Variants in MYRIP observed in about 807,000 individuals in gnomAD.
MYRIP encodes the protein myosin VIIA and Rab interacting protein.
In MYRIP, 49 loss-of-function variants were observed where a neutral mutation model predicts 98.0. The ratio of observed to expected loss-of-function variants is 0.50; its 90% confidence interval spans 0.40 to 0.63. The LOEUF (loss-of-function observed/expected upper bound fraction) is 0.63, where lower values mean the gene tolerates loss of function less well. Ranked by LOEUF, MYRIP falls within the 30% of genes least tolerant of loss-of-function variation. The pLI is 0.00. For missense variants in MYRIP, 1,004 were observed against 1,058.2 expected, an observed-to-expected ratio of 0.95 and a Z score of 0.71; for synonymous variants, 404 against 409.5, an observed-to-expected ratio of 0.99 and a Z score of 0.16.
intron 1 of MYRIP, among the ~76,000 whole-genome samples, chr3:39,877,927 G>T (rs1229149333): frequency 6.6e-6 from 1 of 152,178 alleles, no homozygotes; most frequent in Non-Finnish European, 1.5e-5. Context: ...CTTTTTGTTT[G>T]TCTGTGCCCT....
intron 2 of MYRIP, 149 bp downstream of exon 2, chr3:39,901,075 C>A: frequency 1.7e-6 from 1 of 604,376 alleles, no homozygotes; most frequent in South Asian, 2.1e-5. Flanking sequence ...GAAAGGTTTG[C>A]CAGTTTCAGA....
intron 11 of MYRIP, among the ~76,000 whole-genome samples, chr3:40,225,090 G>A (rs924046980): frequency 1.3e-5 from 2 of 152,190 alleles, no homozygotes; most frequent in African/African-American, 2.4e-5. Context: ...AAGGCATTTG[G>A]ACAAACTTTC....
intron 2 of MYRIP, among the ~76,000 whole-genome samples, chr3:39,933,660 T>C (rs763912096): frequency 6.2e-4 from 94 of 152,230 alleles, no homozygotes; most frequent in Non-Finnish European, 1.2e-3. Context: ...TCAAGAAATA[T>C]ATTCAAGGTT....
chr3:39,868,928 G>C (rs1942703436), intron 1 of MYRIP, among the ~76,000 whole-genome samples: 1 of 152,164 alleles, frequency 6.6e-6, no homozygotes, highest in Admixed American at 6.5e-5. Context: ...CTTTATTGAG[G>C]ATCACTTGTA....
At chr3:39,952,070 G>GC (rs1945031419) in intron 2 of MYRIP, among the ~76,000 whole-genome samples, 1 of 151,950 alleles carries the variant, frequency 6.6e-6, no homozygotes. Flanking sequence ...TCCCACCCTG[G>GC]CCCCAAGTAT....
chr3:40,001,790 A>G (rs1946524801), intron 2 of MYRIP, among the ~76,000 whole-genome samples: 1 of 152,214 alleles, frequency 6.6e-6, no homozygotes, highest in Non-Finnish European at 1.5e-5. Context: ...GCTGATTGCA[A>G]TAAGAGATGA....
rs186451284 is a variant in MYRIP at position 39,815,914 on chromosome 3, G to C, written c.-31+5998G>C. Among the ~76,000 whole-genome samples the C allele has an allele frequency of 6.0e-3, 847 of 140,134 alleles. 8 individuals carry two copies. Among genetic ancestry groups the C allele is most frequent in the Non-Finnish European group, 5.9e-3 (378 of 64,082 alleles). The allele number at this position is 140,134 out of a possible 152,430, so 91.9% of individuals were successfully genotyped here. Reference sequence around the variant, plus strand: ...TTTTTTTTTTTTCAATTATGCTTATGTTAAATTTTTATCATATTCTTTTTT... The same window carrying C: ...TTTTTTTTTTTTCAATTATGCTTATCTTAAATTTTTATCATATTCTTTTTT... On this transcript the variant is annotated intron_variant, in intron 1 of 16. Coordinates refer to ENST00000302541, the MANE Select transcript of MYRIP (RefSeq NM_015460.4).
At chr3:39,876,825 G>C (rs1943010901) in intron 1 of MYRIP, among the ~76,000 whole-genome samples, 1 of 151,980 alleles carries the variant, frequency 6.6e-6, no homozygotes, top group Non-Finnish European at 1.5e-5. Context: ...GTGTCTTGGA[G>C]TTGCTCTTCT....
chr3:39,899,447 A>T (rs1483157684), intron 1 of MYRIP, among the ~76,000 whole-genome samples: 1 of 151,894 alleles, frequency 6.6e-6, no homozygotes, highest in East Asian at 1.9e-4. Flanking sequence ...TTTGAATGTG[A>T]CTATTGTTAC....
chr3:39,849,011 T>G (rs1402805646), intron 1 of MYRIP, among the ~76,000 whole-genome samples: 1 of 152,264 alleles, frequency 6.6e-6, no homozygotes, highest in East Asian at 1.9e-4. Flanking sequence ...TTCATTTTAA[T>G]GTATTCTTCC....
chr3:40,245,445 G>A (rs940454243), intron 13 of MYRIP, among the ~76,000 whole-genome samples: 8 of 151,706 alleles, frequency 5.3e-5, no homozygotes, highest in Non-Finnish European at 2.9e-5. Context: ...TCAGGAGATC[G>A]AGACCATCCT....
intron 12 of MYRIP, among the ~76,000 whole-genome samples, chr3:40,242,790 A>T (rs1196383070): frequency 6.6e-6 from 1 of 152,000 alleles, no homozygotes; most frequent in African/African-American, 2.4e-5. Flanking sequence ...GAAAAGTATT[A>T]AAAAAGTATG....
intron 11 of MYRIP, among the ~76,000 whole-genome samples, chr3:40,215,392 C>T (rs961788315): frequency 4.6e-5 from 7 of 151,976 alleles, no homozygotes; most frequent in Admixed American, 4.6e-4. Flanking sequence ...TAATTTTCAT[C>T]AAAGTACTGA....
intron 3 of MYRIP, among the ~76,000 whole-genome samples, chr3:40,146,789 A>T (rs1950020809): frequency 1.3e-5 from 2 of 151,624 alleles, no homozygotes; most frequent in Admixed American, 6.6e-5. Flanking sequence ...ACACACACAC[A>T]CCCCACCACA....
At position 40,058,399 on chromosome 3, in the gene MYRIP, T is replaced by C. The variant is rs9863906; in HGVS notation, c.332+14128T>C. 3.2e-4 allele frequency among the ~76,000 whole-genome samples: 48 copies of C among 152,102 alleles called. No homozygotes were observed. In the South Asian group the frequency reaches 3.7e-3, roughly 12 times the overall value. The stretch of plus-strand genomic sequence containing the variant: ...ACTATAGCTTCAAGACAAACATCAA[T>C]TGAAAACTATTTGTACTGTATCTCA... On this transcript the variant is annotated intron_variant, in intron 3 of 16. Transcript: ENST00000302541.
At chr3:40,096,933 C>T (rs935482488) in intron 3 of MYRIP, among the ~76,000 whole-genome samples, 4 of 152,294 alleles carry the variant, frequency 2.6e-5, no homozygotes, top group South Asian at 2.1e-4. Context: ...CAAAACGCTC[C>T]GCCCATCGTC....
At chr3:39,964,438 A>G (rs1945394713) in intron 2 of MYRIP, among the ~76,000 whole-genome samples, 2 of 152,192 alleles carry the variant, frequency 1.3e-5, no homozygotes, top group Admixed American at 1.3e-4. Context: ...CCTGAACGTG[A>G]GAAGAAATCA....
intron 2 of MYRIP, among the ~76,000 whole-genome samples, chr3:40,004,153 T>C (rs1369985157): frequency 6.6e-6 from 1 of 152,242 alleles, no homozygotes; most frequent in African/African-American, 2.4e-5. Flanking sequence ...TGATGTCTTC[T>C]CTTCCAAAGA....
At chr3:40,021,593 G>C in intron 2 of MYRIP, among the ~76,000 whole-genome samples, 1 of 152,190 alleles carries the variant, frequency 6.6e-6, no homozygotes. Flanking sequence ...TCTCTTGGGA[G>C]ATAGTTTTTT....
Sources: gnomAD v4.1 joint callset for allele counts (sites outside exome capture counted in the v4.1 genomes callset) on GRCh38, gnomAD v4.1.1 for gene constraint, MANE v1.5 for transcripts, NCBI Gene and HGNC (gene_info 2026-07-23, HGNC 2026-07-21) for gene names.